Variants in HIVEP3 observed in about 807,000 individuals in gnomAD.
HIVEP3 encodes the protein transcription factor HIVEP3.
HIVEP3 carries 49 observed loss-of-function variants against 152.8 expected under a neutral mutation model. That is an observed-to-expected ratio of 0.32 (90% CI 0.26 to 0.41). The LOEUF is 0.41. HIVEP3 is among the 10% of genes least tolerant of loss of function. The probability of loss-of-function intolerance (pLI) is 1.00; values close to 1 mark genes in which losing one functional copy is unlikely to be tolerated. For missense variants in HIVEP3, 2,790 were observed against 3,103.3 expected (o/e 0.90, Z 2.40); for synonymous variants, 1,269 against 1,289.0 (o/e 0.98, Z 0.33).
intron 2 of HIVEP3, among the ~76,000 whole-genome samples, chr1:41,669,573 G>A (rs905100021): frequency 2.0e-5 from 3 of 152,198 alleles, no homozygotes; most frequent in South Asian, 2.1e-4. Context: ...AAAAGGCTGA[G>A]TGGGAGGAAA....
intron 1 of HIVEP3, among the ~76,000 whole-genome samples, chr1:41,982,780 C>A (rs1462426035): frequency 6.6e-6 from 1 of 152,126 alleles, no homozygotes; most frequent in African/African-American, 2.4e-5. Flanking sequence ...TAGGTCTTGG[C>A]CAATTGAAAG....
chr1:41,636,015 C>A (rs908471894), intron 2 of HIVEP3, among the ~76,000 whole-genome samples: 3 of 152,214 alleles, frequency 2.0e-5, no homozygotes, highest in African/African-American at 7.2e-5. Flanking sequence ...AGCACTAGGA[C>A]AACTGGCTGG....
intron 1 of HIVEP3, among the ~76,000 whole-genome samples, chr1:41,723,235 G>A (rs1463708255): frequency 6.6e-6 from 1 of 152,104 alleles, no homozygotes; most frequent in African/African-American, 2.4e-5. Flanking sequence ...ACATCTGCCA[G>A]ATCTTGAGTC....
chr1:41,746,787 T>C (rs1214446088), intron 1 of HIVEP3, among the ~76,000 whole-genome samples: 1 of 152,204 alleles, frequency 6.6e-6, no homozygotes, highest in Non-Finnish European at 1.5e-5. Context: ...CAATTTTGCA[T>C]GCACAGAGGA....
At chr1:41,611,312 A>T (rs1431231374) in intron 3 of HIVEP3, among the ~76,000 whole-genome samples, 1 of 152,154 alleles carries the variant, frequency 6.6e-6, no homozygotes, top group Admixed American at 6.5e-5. Context: ...ACTTCCTTAA[A>T]CCAAAGGTGG....
intron 5 of HIVEP3, among the ~76,000 whole-genome samples, chr1:41,573,440 G>A (rs1157268835): frequency 6.6e-6 from 1 of 152,188 alleles, no homozygotes; most frequent in African/African-American, 2.4e-5. Flanking sequence ...TGGGAGGCAT[G>A]GTCCCAGCTT....
chr1:42,022,953 T>C (rs1645562706), intron 1 of HIVEP3, among the ~76,000 whole-genome samples: 1 of 152,252 alleles, frequency 6.6e-6, no homozygotes, highest in Non-Finnish European at 1.5e-5. Flanking sequence ...TGTAACTTCT[T>C]ATTCCATTAT....
intron 5 of HIVEP3, among the ~76,000 whole-genome samples, chr1:41,526,651 ACT>A (rs1478987107): frequency 8.4e-4 from 1 of 1,190 alleles, no homozygotes; most frequent in Non-Finnish European, 1.8e-3. Flanking sequence ...ACACCCCCAC[ACT>A]CACACTCCCC....
chr1:42,034,040 C>T (rs1389303267), intron 1 of HIVEP3, among the ~76,000 whole-genome samples: 1 of 152,134 alleles, frequency 6.6e-6, no homozygotes, highest in East Asian at 1.9e-4. Flanking sequence ...AATGTAACAC[C>T]CAAAATACAA....
intron 1 of HIVEP3, among the ~76,000 whole-genome samples, chr1:41,874,618 C>T (rs944025485): frequency 6.6e-6 from 1 of 152,114 alleles, no homozygotes; most frequent in Non-Finnish European, 1.5e-5. Flanking sequence ...ATCTGAGCAG[C>T]GGGTGAGGAG....
chr1:41,692,903 T>A (rs1362589128), intron 2 of HIVEP3, among the ~76,000 whole-genome samples: 1 of 152,244 alleles, frequency 6.6e-6, no homozygotes, highest in African/African-American at 2.4e-5. Context: ...CAAACAATAC[T>A]ATGATGAACA....
At chr1:41,792,142 G>A (rs77748121) in intron 1 of HIVEP3, among the ~76,000 whole-genome samples, 10,152 of 152,280 alleles carry the variant, frequency 0.067, 363 homozygotes, top group Middle Eastern at 0.17. Context: ...TGAGTTGCTT[G>A]AGGCAAGAGC....
At chr1:41,621,270 C>T (rs1345581702) in intron 3 of HIVEP3, among the ~76,000 whole-genome samples, 1 of 152,234 alleles carries the variant, frequency 6.6e-6, no homozygotes, top group Non-Finnish European at 1.5e-5. Flanking sequence ...GCCCTGGAAT[C>T]TGCATTTTAA....
At chr1:42,016,819 A>G (rs1645525768) in intron 1 of HIVEP3, among the ~76,000 whole-genome samples, 1 of 152,202 alleles carries the variant, frequency 6.6e-6, no homozygotes, top group Non-Finnish European at 1.5e-5. Context: ...TACTCTATTC[A>G]TAGACATTTA....
chr1:41,869,191 C>T (rs1031760104), intron 1 of HIVEP3, among the ~76,000 whole-genome samples: 1 of 152,186 alleles, frequency 6.6e-6, no homozygotes, highest in Non-Finnish European at 1.5e-5. Flanking sequence ...TAGGCTAATG[C>T]TCATTACTAA....
chr1:41,951,834 C>T (rs909924068), intron 1 of HIVEP3, among the ~76,000 whole-genome samples: 3 of 152,164 alleles, frequency 2.0e-5, no homozygotes, highest in African/African-American at 7.2e-5. Flanking sequence ...TCAATTACCT[C>T]CCACTTGGTC....
At chr1:41,802,247 G>GCTGT in intron 1 of HIVEP3, among the ~76,000 whole-genome samples, 1 of 152,150 alleles carries the variant, frequency 6.6e-6, no homozygotes, top group East Asian at 1.9e-4. Flanking sequence ...ACAGAGTCTT[G>GCTGT]CTCTGTTGCT....
At chr1:41,920,840 C>T (rs1644937411), upstream of HIVEP3, among the ~76,000 whole-genome samples, 1 of 152,192 alleles carries the variant, frequency 6.6e-6, no homozygotes, top group Non-Finnish European at 1.5e-5. Context: ...ACATGAATCA[C>T]TTCAGCTGTA....
chr1:41,526,058 G>T (rs2149053442), intron 5 of HIVEP3, among the ~76,000 whole-genome samples: 1 of 152,180 alleles, frequency 6.6e-6, no homozygotes, highest in South Asian at 2.1e-4. Context: ...AGAGGGGCAG[G>T]AGGTGGCTGG....
Sources: gnomAD v4.1 joint callset for allele counts (sites outside exome capture counted in the v4.1 genomes callset) on GRCh38, gnomAD v4.1.1 for gene constraint, MANE v1.5 for transcripts, NCBI Gene and HGNC (gene_info 2026-07-23, HGNC 2026-07-21) for gene names.